Variants in IGF2BP3 observed in about 807,000 individuals in gnomAD.
IGF2BP3 encodes insulin like growth factor 2 mRNA binding protein 3.
Under a neutral mutation model 73.8 loss-of-function variants are expected in IGF2BP3, and 9 were observed. The ratio of observed to expected loss-of-function variants is 0.12; its 90% CI spans 0.07 to 0.21. IGF2BP3 has a LOEUF of 0.21. IGF2BP3 is among the 10% of genes least tolerant of loss of function. The pLI, the probability that IGF2BP3 is intolerant of heterozygous loss-of-function variation, is 1.00. For missense variants in IGF2BP3, 542 were observed against 714.0 expected (o/e 0.76, Z 2.75); for synonymous variants, 258 against 256.7 (o/e 1.01, Z -0.05).
intron 2 of IGF2BP3, among the ~76,000 whole-genome samples, chr7:23,459,778 C>G (rs148905280): frequency 6.6e-6 from 1 of 152,058 alleles, no homozygotes; most frequent in Non-Finnish European, 1.5e-5. Context: ...TTGCAGTGAG[C>G]TGAGATCATA....
chr7:23,429,221 T>C (rs1231777088), intron 2 of IGF2BP3, among the ~76,000 whole-genome samples: 1 of 152,222 alleles, frequency 6.6e-6, no homozygotes, highest in East Asian at 1.9e-4. Flanking sequence ...ACTCAGATTT[T>C]GGATGACTGG....
chr7:23,423,969 T>C (rs568183782), intron 2 of IGF2BP3, among the ~76,000 whole-genome samples: 7 of 151,686 alleles, frequency 4.6e-5, no homozygotes, highest in African/African-American at 7.3e-5. Context: ...AACATAAAAA[T>C]TAGCTGGGCA....
chr7:23,323,155 G>C (rs1021910992), intron 10 of IGF2BP3, among the ~76,000 whole-genome samples: 2 of 152,040 alleles, frequency 1.3e-5, no homozygotes, highest in African/African-American at 4.8e-5. Context: ...AGACCCATCA[G>C]TGTGCTGTAT....
At chr7:23,371,680 C>A (rs1266929434) in intron 3 of IGF2BP3, among the ~76,000 whole-genome samples, 1 of 152,194 alleles carries the variant, frequency 6.6e-6, no homozygotes, top group African/African-American at 2.4e-5. Flanking sequence ...TGCTGCATAT[C>A]CCCTTTATCA....
chr7:23,316,674 C>CAAAA (rs1271667588), intron 12 of IGF2BP3, among the ~76,000 whole-genome samples: 1 of 50,124 alleles, frequency 2.0e-5, no homozygotes, highest in African/African-American at 7.0e-5. Flanking sequence ...GACTCTGTCT[C>CAAAA]AAAAAAAAAA....
intron 2 of IGF2BP3, among the ~76,000 whole-genome samples, chr7:23,419,338 C>T (rs2128535814): frequency 6.6e-6 from 1 of 152,308 alleles, no homozygotes; most frequent in South Asian, 2.1e-4. Context: ...CACAGAATTA[C>T]AGTACTTGTA....
chr7:23,459,459 C>T (rs1359792076), intron 2 of IGF2BP3, among the ~76,000 whole-genome samples: 4 of 152,180 alleles, frequency 2.6e-5, no homozygotes, highest in Non-Finnish European at 5.9e-5. Context: ...TTAAACCTGG[C>T]TCATGATATC....
rs759481550 is a variant in IGF2BP3, at chr7:23,312,863, T to C, written c.1528-15A>G. 1.3e-6 allele frequency: 2 copies of C among 1,547,598 alleles called. No individual in the cohort carries two copies. Among genetic ancestry groups the C allele is most frequent in the South Asian group, 1.2e-5 (1 of 86,716 alleles). On this transcript the variant is annotated splice_polypyrimidine_tract_variant and intron_variant, in intron 13 of 14. Transcript: ENST00000258729. ...AGTTCATTCACCTGAAAGAGATAAA[T>C]ATAAATCACATTAAGTGGCAGTTTT...
intron 3 of IGF2BP3, chr7:23,415,285 C>A (rs114724091): frequency 0.012 from 2,902 of 245,062 alleles, 63 homozygotes; most frequent in African/African-American, 0.066. Context: ...AGTCCCTGTA[C>A]GTCAGTCAGC....
intron 5 of IGF2BP3, among the ~76,000 whole-genome samples, chr7:23,358,942 G>C (rs149154733): frequency 1.8e-4 from 27 of 152,302 alleles, no homozygotes; most frequent in African/African-American, 6.0e-4. Flanking sequence ...ATTCTTATTG[G>C]CAACTTTTGG....
chr7:23,438,249 G>T (rs1479638845), intron 2 of IGF2BP3, among the ~76,000 whole-genome samples: 1 of 152,116 alleles, frequency 6.6e-6, no homozygotes, highest in Non-Finnish European at 1.5e-5. Context: ...TCTCCCAAGA[G>T]ATTACAGGCA....
intron 3 of IGF2BP3, among the ~76,000 whole-genome samples, chr7:23,376,451 C>T (rs1246534975): frequency 1.3e-5 from 2 of 149,648 alleles, no homozygotes; most frequent in African/African-American, 4.9e-5. Context: ...AGGAGAATGG[C>T]TTGAACCGGG....
chr7:23,368,576 A>G (rs960188181), intron 3 of IGF2BP3, among the ~76,000 whole-genome samples: 2 of 152,118 alleles, frequency 1.3e-5, no homozygotes, highest in Non-Finnish European at 2.9e-5. Flanking sequence ...AAGGTGTCCT[A>G]AAAATGTGGT....
chr7:23,317,940 C>T, intron 11 of IGF2BP3: 1 of 550,618 alleles, frequency 1.8e-6, no homozygotes, highest in East Asian at 2.8e-5. Flanking sequence ...CCTCCACGTG[C>T]TGTCTCTCAG....
At chr7:23,411,827 C>T (rs965519328) in intron 3 of IGF2BP3, among the ~76,000 whole-genome samples, 1 of 152,044 alleles carries the variant, frequency 6.6e-6, no homozygotes, top group South Asian at 2.1e-4. Flanking sequence ...GACAGCTTTC[C>T]ACTTCTCAGC....
intron 3 of IGF2BP3, among the ~76,000 whole-genome samples, chr7:23,398,758 T>C (rs1203693244): frequency 6.6e-6 from 1 of 152,168 alleles, no homozygotes; most frequent in Admixed American, 6.5e-5. Context: ...TTTGATGGGG[T>C]TGTATTTTTC....
chr7:23,339,186 A>C (rs1183642482), intron 10 of IGF2BP3, among the ~76,000 whole-genome samples: 5 of 152,258 alleles, frequency 3.3e-5, no homozygotes, highest in African/African-American at 1.2e-4. Context: ...TGACAGGAGA[A>C]GCAAGATGAC....
chr7:23,333,234 AAGTT>A (rs1784486187), intron 10 of IGF2BP3, among the ~76,000 whole-genome samples: 1 of 152,266 alleles, frequency 6.6e-6, no homozygotes, highest in Non-Finnish European at 1.5e-5. Context: ...ATTTTTTAAA[AAGTT>A]AGTTGCATGA....
At chr7:23,320,947 CAAA>C (rs70966008) in intron 10 of IGF2BP3, among the ~76,000 whole-genome samples, 2,757 of 96,426 alleles carry the variant, frequency 0.029, 74 homozygotes, top group African/African-American at 0.12. Flanking sequence ...AACTCTGTCT[CAAA>C]AAAAAAAAAA....
Sources: gnomAD v4.1 joint callset for allele counts (sites outside exome capture counted in the v4.1 genomes callset) on GRCh38, gnomAD v4.1.1 for gene constraint, MANE v1.5 for transcripts, NCBI Gene and HGNC (gene_info 2026-07-23, HGNC 2026-07-21) for gene names.